NTRK2: variants seen among roughly 807,000 people sequenced by gnomAD.
NTRK2 encodes neurotrophic receptor tyrosine kinase 2.
A neutral mutation model predicts 94.5 loss-of-function variants in NTRK2; 13 were observed. The observed-to-expected ratio is 0.14, with a 90% CI of 0.09 to 0.22. The LOEUF (loss-of-function observed/expected upper bound fraction) is 0.22. NTRK2 is among the 10% of genes least tolerant of loss of function. The pLI is 1.00. For missense variants in NTRK2, 639 were observed against 1,071.2 expected (o/e 0.60, Z 5.63); for synonymous variants, 372 against 407.4 (o/e 0.91, Z 1.05).
chr9:84,798,450 G>A (rs2069902854), intron 12 of NTRK2, among the ~76,000 whole-genome samples: 1 of 152,182 alleles, frequency 6.6e-6, no homozygotes, highest in Non-Finnish European at 1.5e-5. Flanking sequence ...TCACCATATT[G>A]TATTTCATTC....
intron 12 of NTRK2, among the ~76,000 whole-genome samples, chr9:84,755,756 T>C (rs895156975): frequency 6.6e-6 from 1 of 152,112 alleles, no homozygotes; most frequent in African/African-American, 2.4e-5. Flanking sequence ...AATATGTTGT[T>C]TTTTCAGTTC....
chr9:84,875,221 G>A, intron 14 of NTRK2: 5 of 1,058,336 alleles, frequency 4.7e-6, no homozygotes, highest in Non-Finnish European at 5.7e-6. Context: ...CTCACTTTGG[G>A]GAGATTGTGC....
At chr9:84,797,039 T>C (rs2069414071) in intron 12 of NTRK2, among the ~76,000 whole-genome samples, 1 of 152,218 alleles carries the variant, frequency 6.6e-6, no homozygotes, top group African/African-American at 2.4e-5. Flanking sequence ...CTTTTATTTC[T>C]AGTCTTAATA....
chr9:84,881,866 G>C (rs2076264043), intron 14 of NTRK2, among the ~76,000 whole-genome samples: 1 of 152,160 alleles, frequency 6.6e-6, no homozygotes, highest in Non-Finnish European at 1.5e-5. Flanking sequence ...TGGGTTTCAG[G>C]TATGCTAAAG....
At chr9:84,877,710 A>G (rs1239364172) in intron 14 of NTRK2, 20 of 1,060,400 alleles carry the variant, frequency 1.9e-5, no homozygotes, top group Non-Finnish European at 2.3e-5. Flanking sequence ...CTAACACATG[A>G]CTTGCATTCT....
chr9:84,882,719 T>TGTGTGCGCGCGCGCGCGCGCGCGCGC (rs761042296), intron 14 of NTRK2, among the ~76,000 whole-genome samples: 1 of 145,742 alleles, frequency 6.9e-6, no homozygotes, highest in African/African-American at 2.6e-5. Context: ...TGTGTGTGTG[T>TGTGTGCGCGCGCGCGCGCGCGCGCGC]GCGCGCGCGC....
intron 16 of NTRK2, among the ~76,000 whole-genome samples, chr9:84,952,800 TC>T (rs2132943292): frequency 6.6e-6 from 1 of 152,284 alleles, no homozygotes; most frequent in South Asian, 2.1e-4. Flanking sequence ...GCCACCAGCT[TC>T]CTGACGTCTG....
intron 14 of NTRK2, among the ~76,000 whole-genome samples, chr9:84,894,522 C>A (rs1218206544): frequency 6.6e-6 from 1 of 152,124 alleles, no homozygotes; most frequent in African/African-American, 2.4e-5. Flanking sequence ...CCCCACCATA[C>A]CCCACAACCT....
At chr9:84,997,598 C>G (rs1279683077) in intron 17 of NTRK2, among the ~76,000 whole-genome samples, 1 of 152,078 alleles carries the variant, frequency 6.6e-6, no homozygotes, top group Non-Finnish European at 1.5e-5. Flanking sequence ...TGGGTCAGCT[C>G]CCCTGGGGCA....
chr9:84,808,414 A>C (rs2071375506), intron 12 of NTRK2, among the ~76,000 whole-genome samples: 1 of 152,196 alleles, frequency 6.6e-6, no homozygotes, highest in Admixed American at 6.5e-5. Context: ...TGAGTCAACA[A>C]ATCTTTTTAT....
intron 12 of NTRK2, among the ~76,000 whole-genome samples, chr9:84,850,468 G>A (rs2074708345): frequency 6.6e-6 from 1 of 152,200 alleles, no homozygotes. Flanking sequence ...TGATAAAGCT[G>A]GAGCCAGGTC....
intron 12 of NTRK2, among the ~76,000 whole-genome samples, chr9:84,761,360 G>T (rs1183362438): frequency 6.6e-6 from 1 of 152,140 alleles, no homozygotes; most frequent in Non-Finnish European, 1.5e-5. Flanking sequence ...TCTATTTATG[G>T]TTGTGGTTGT....
chr9:84,715,541 T>C (rs1227658803), intron 6 of NTRK2, among the ~76,000 whole-genome samples: 2 of 152,184 alleles, frequency 1.3e-5, no homozygotes, highest in Admixed American at 1.3e-4. Context: ...ACGGCCCTTC[T>C]AAACCTTAGA....
At chr9:84,982,489 G>A (rs1827752086) in intron 17 of NTRK2, among the ~76,000 whole-genome samples, 1 of 152,188 alleles carries the variant, frequency 6.6e-6, no homozygotes, top group Admixed American at 6.5e-5. Flanking sequence ...GAACCCATTA[G>A]GTCTGAATCC....
At chr9:84,959,043 G>A (rs1228038587) in intron 17 of NTRK2, among the ~76,000 whole-genome samples, 1 of 152,144 alleles carries the variant, frequency 6.6e-6, no homozygotes, top group African/African-American at 2.4e-5. Flanking sequence ...CCCCTTCACG[G>A]TGTCTCTTCA....
At chr9:84,763,571 A>G (rs963860503) in intron 12 of NTRK2, among the ~76,000 whole-genome samples, 1 of 152,194 alleles carries the variant, frequency 6.6e-6, no homozygotes, top group Middle Eastern at 3.2e-3. Context: ...CTTCTGCTTA[A>G]CATCTTGTTA....
At chr9:84,950,419 C>T (rs1006039222) in intron 16 of NTRK2, among the ~76,000 whole-genome samples, 1 of 152,074 alleles carries the variant, frequency 6.6e-6, no homozygotes, top group South Asian at 2.1e-4. Flanking sequence ...TTATCATGAA[C>T]CTAAAGAGTA....
At chr9:84,815,692 T>G in intron 12 of NTRK2, 2 of 1,009,630 alleles carry the variant, frequency 2.0e-6, no homozygotes, top group South Asian at 4.7e-5. Flanking sequence ...CCAATAAAGT[T>G]TGATAATTCA....
At chr9:84,916,571 C>T (rs545390800) in intron 14 of NTRK2, among the ~76,000 whole-genome samples, 1 of 152,264 alleles carries the variant, frequency 6.6e-6, no homozygotes, top group African/African-American at 2.4e-5. Context: ...ATTCCAGGCA[C>T]ACAGGACATC....
Sources: allele counts gnomAD v4.1 joint callset (sites outside exome capture counted in the v4.1 genomes callset), GRCh38; gene constraint gnomAD v4.1.1; transcripts MANE v1.5; gene names NCBI Gene and HGNC (gene_info 2026-07-23, HGNC 2026-07-21).